PKNOX2: variants seen among roughly 807,000 people sequenced by gnomAD.
PKNOX2 encodes PBX/knotted 1 homeobox 2.
In PKNOX2, 14 loss-of-function variants were observed where a neutral mutation model predicts 53.1. The observed-to-expected ratio is 0.26, with a 90% confidence interval of 0.17 to 0.41. The LOEUF (loss-of-function observed/expected upper bound fraction) is 0.41. Ranked by LOEUF, PKNOX2 falls within the 10% of genes least tolerant of loss-of-function variation. The probability of loss-of-function intolerance (pLI) is 1.00; values close to 1 mark genes in which losing one functional copy is unlikely to be tolerated. For synonymous variants in PKNOX2, 257 were observed against 242.8 expected (o/e 1.06, Z -0.54); for missense variants, 496 against 602.8 (o/e 0.82, Z 1.85).
intron 6 of PKNOX2, among the ~76,000 whole-genome samples, chr11:125,389,307 A>T (rs892720158): frequency 1.3e-5 from 2 of 152,200 alleles, no homozygotes; most frequent in African/African-American, 4.8e-5. Flanking sequence ...ACCAGAACCC[A>T]GGTCAGCTGA....
intron 1 of PKNOX2, among the ~76,000 whole-genome samples, chr11:125,204,095 C>T (rs553824315): frequency 6.6e-6 from 1 of 152,252 alleles, no homozygotes; most frequent in South Asian, 2.1e-4. Context: ...ATTTCCTTCT[C>T]AGAGCTGTTT....
chr11:125,391,011 T>G (rs2135415451), intron 6 of PKNOX2, among the ~76,000 whole-genome samples: 1 of 152,352 alleles, frequency 6.6e-6, no homozygotes, highest in East Asian at 1.9e-4. Flanking sequence ...ATTTGAGCAT[T>G]GGCAGGCACA....
At chr11:125,382,934 C>A (rs1953350663) in intron 5 of PKNOX2, among the ~76,000 whole-genome samples, 1 of 152,160 alleles carries the variant, frequency 6.6e-6, no homozygotes, top group African/African-American at 2.4e-5. Flanking sequence ...AAATATTGAC[C>A]CTTTTTTTCT....
At chr11:125,174,822 G>A (rs550781312) in intron 1 of PKNOX2, among the ~76,000 whole-genome samples, 2 of 152,256 alleles carry the variant, frequency 1.3e-5, no homozygotes, top group Admixed American at 1.3e-4. Context: ...CCAAATAGCG[G>A]TGGTGGAAGG....
chr11:125,402,028 C>T (rs749680968), intron 7 of PKNOX2, among the ~76,000 whole-genome samples: 2 of 152,174 alleles, frequency 1.3e-5, no homozygotes, highest in African/African-American at 2.4e-5. Flanking sequence ...TTGTTTTCAA[C>T]TTGGTATCCC....
chr11:125,202,278 C>G (rs73617528), intron 1 of PKNOX2, among the ~76,000 whole-genome samples: 5,180 of 152,270 alleles, frequency 0.034, 297 homozygotes, highest in African/African-American at 0.12. Flanking sequence ...CTGGGACCCT[C>G]CTTGCCCCTT....
chr11:125,198,129 T>C (rs913979033), intron 1 of PKNOX2, among the ~76,000 whole-genome samples: 1 of 152,314 alleles, frequency 6.6e-6, no homozygotes, highest in Non-Finnish European at 1.5e-5. Flanking sequence ...CCCATCCTCT[T>C]GGGACTTGTT....
chr11:125,196,541 T>C (rs1937711230), intron 1 of PKNOX2, among the ~76,000 whole-genome samples: 1 of 151,670 alleles, frequency 6.6e-6, no homozygotes, highest in African/African-American at 2.4e-5. Context: ...GGGACAAGGG[T>C]GGAAGGGCCA....
intron 1 of PKNOX2, among the ~76,000 whole-genome samples, chr11:125,176,620 A>G (rs879710323): frequency 8.5e-5 from 13 of 152,204 alleles, no homozygotes; most frequent in Admixed American, 7.8e-4. Flanking sequence ...AGGTAAGAGT[A>G]GGCGCATGAA....
chr11:125,278,598 G>A lies in PKNOX2; in HGVS notation c.-130+43483G>A, dbSNP rs988683400. 3.3e-5 allele frequency among the ~76,000 whole-genome samples: 5 copies of A among 152,116 alleles called. 1 individual carries two copies. The highest frequency in any genetic ancestry group is 2.1e-4 in the South Asian group (1 of 4,832). On this transcript the variant is annotated intron_variant, in intron 2 of 12. Coordinates refer to ENST00000298282, the MANE Select transcript of PKNOX2 (RefSeq NM_001382323.2). ...GGATGGCCGGGTCTTGGCTTGCGAC[G>A]GAGATGTGGTGCCTTCAGTTGAAGA...
At chr11:125,420,218 G>T (rs939463976) in intron 10 of PKNOX2, among the ~76,000 whole-genome samples, 10 of 75,986 alleles carry the variant, frequency 1.3e-4, no homozygotes, top group Non-Finnish European at 1.7e-4. Context: ...AAAAAGCTGA[G>T]TTTTTTATTT....
intron 2 of PKNOX2, among the ~76,000 whole-genome samples, chr11:125,310,571 A>G (rs945800620): frequency 2.0e-5 from 3 of 152,092 alleles, no homozygotes; most frequent in Non-Finnish European, 4.4e-5. Context: ...GTAATGCCAA[A>G]CTTACTGTTA....
At chr11:125,311,953 C>T (rs561658156) in intron 2 of PKNOX2, among the ~76,000 whole-genome samples, 11 of 152,104 alleles carry the variant, frequency 7.2e-5, no homozygotes, top group Admixed American at 3.3e-4. Flanking sequence ...TTACAGTGAG[C>T]GAGATCACAC....
intron 1 of PKNOX2, among the ~76,000 whole-genome samples, chr11:125,202,818 A>G (rs1343055431): frequency 6.6e-6 from 1 of 152,192 alleles, no homozygotes; most frequent in African/African-American, 2.4e-5. Flanking sequence ...TTATTTAAAC[A>G]ATTATTTTTT....
chr11:125,363,076 C>T (rs570061903), intron 4 of PKNOX2, among the ~76,000 whole-genome samples: 4 of 152,310 alleles, frequency 2.6e-5, no homozygotes, highest in Middle Eastern at 3.4e-3. Context: ...ATAGCATCTA[C>T]GAGAGGGACG....
At chr11:125,421,239 A>G (rs554212982) in intron 10 of PKNOX2, among the ~76,000 whole-genome samples, 1 of 152,328 alleles carries the variant, frequency 6.6e-6, no homozygotes, top group Admixed American at 6.5e-5. Flanking sequence ...CGAGTGGCTC[A>G]AGAGCCAGAA....
At chr11:125,242,728 G>A (rs935534479) in intron 2 of PKNOX2, among the ~76,000 whole-genome samples, 3 of 152,094 alleles carry the variant, frequency 2.0e-5, no homozygotes, top group Admixed American at 6.5e-5. Flanking sequence ...TGGCGGGTGT[G>A]TCCTTCTTGG....
At chr11:125,204,435 G>A (rs1938825311) in intron 1 of PKNOX2, among the ~76,000 whole-genome samples, 1 of 152,208 alleles carries the variant, frequency 6.6e-6, no homozygotes, top group Non-Finnish European at 1.5e-5. Flanking sequence ...CACACTGTGA[G>A]TGGCACATGG....
intron 1 of PKNOX2, among the ~76,000 whole-genome samples, chr11:125,215,203 A>G (rs1203463320): frequency 1.3e-5 from 2 of 152,046 alleles, no homozygotes; most frequent in African/African-American, 4.8e-5. Flanking sequence ...TTCCCCCACC[A>G]GGAAGACGGG....
Sources: gnomAD v4.1 joint callset for allele counts (sites outside exome capture counted in the v4.1 genomes callset) on GRCh38, gnomAD v4.1.1 for gene constraint, MANE v1.5 for transcripts, NCBI Gene and HGNC (gene_info 2026-07-23, HGNC 2026-07-21) for gene names.